Variants in KIDINS220 observed in about 807,000 individuals in gnomAD.
KIDINS220 encodes the protein kinase D-interacting substrate of 220 kDa.
KIDINS220 carries 63 observed loss-of-function variants against 157.6 expected under a neutral mutation model. The observed-to-expected ratio is 0.40, with a 90% CI of 0.33 to 0.49. The LOEUF is 0.49. KIDINS220 is among the 20% of genes least tolerant of loss of function. KIDINS220 has a pLI of 0.66. For synonymous variants in KIDINS220, 732 were observed against 783.6 expected (o/e 0.93, Z 1.10); for missense variants, 1,772 against 2,171.2 (o/e 0.82, Z 3.65).
At chr2:8,759,714 G>A (rs1668509696) in intron 22 of KIDINS220, among the ~76,000 whole-genome samples, 1 of 151,768 alleles carries the variant, frequency 6.6e-6, no homozygotes, top group South Asian at 2.1e-4. Flanking sequence ...TCTGAGGAAG[G>A]TACATTTAGG....
chr2:8,831,478 C>T (rs1572848366), intron 1 of KIDINS220, among the ~76,000 whole-genome samples: 1 of 152,174 alleles, frequency 6.6e-6, no homozygotes, highest in Non-Finnish European at 1.5e-5. Context: ...TATGCCTGAA[C>T]AGCTCCTACC....
Position 8,747,987 on chromosome 2 carries a change from G to A in KIDINS220, c.3428C>T (p.Pro1143Leu). 1 of 1,566,228 alleles carries A rather than the reference G, an allele frequency of 6.4e-7. No homozygotes were observed. The highest frequency in any genetic ancestry group is 8.6e-7 in the Non-Finnish European group (1 of 1,159,098). ...GTAATACCTTGGCGTGTAAAGGTAT[G>A]GGGCAAAGAATGGCTATGGAAAAAC... ...HPFYNRPFFA[P>L]YLYTPRYYPG... is the part of the protein sequence containing the mutation. The change falls in exon 25 of 30, where the codon CCA becomes CTA. Residue 1143 changes from proline to leucine, a missense_variant. This residue lies in a region of KIDINS220 where 793 missense variants were observed against 885.5 expected (regional missense o/e 0.90). Transcript: ENST00000256707.
intron 1 of KIDINS220, among the ~76,000 whole-genome samples, chr2:8,833,805 G>A (rs1234935897): frequency 6.6e-6 from 1 of 152,160 alleles, no homozygotes; most frequent in Non-Finnish European, 1.5e-5. Flanking sequence ...AGCAATGTCA[G>A]AACAAAAAAT....
At chr2:8,834,162 C>T (rs1680048873) in intron 1 of KIDINS220, among the ~76,000 whole-genome samples, 2 of 152,146 alleles carry the variant, frequency 1.3e-5, no homozygotes, top group Non-Finnish European at 2.9e-5. Flanking sequence ...GCCTGGGTGG[C>T]AGCGCTTGCC....
chr2:8,816,097 A>C (rs2148390941), intron 4 of KIDINS220, among the ~76,000 whole-genome samples: 1 of 152,340 alleles, frequency 6.6e-6, no homozygotes, highest in Non-Finnish European at 1.5e-5. Context: ...CAGTGTTTTA[A>C]AGCCAAAATA....
rs745935214 is a variant in KIDINS220 at position 8,778,989 on chromosome 2, G to A, written c.2521C>T (p.Pro841Ser). ...HDYMRNIVHL[P>S]VFLNSRGLSN... ...AGTCCACGACTATTAAGGAACACAG[G>A]CAAGTGGACTATGTTGCGCATGTAG... The change falls in exon 19 of 30, where the codon CCT (proline) becomes TCT (serine). Residue 841 changes from proline to serine, a missense_variant. Transcript: ENST00000256707. The A allele has an allele frequency of 6.2e-7, 1 of 1,614,084 alleles. No individual in the cohort carries two copies.
chr2:8,768,597 T>G (rs1669773899), intron 22 of KIDINS220, among the ~76,000 whole-genome samples: 1 of 152,244 alleles, frequency 6.6e-6, no homozygotes, highest in African/African-American at 2.4e-5. Flanking sequence ...TAAATTTTAC[T>G]ACTAGCGTTA....
At chr2:8,772,452 G>A (rs1230189404) in intron 21 of KIDINS220, among the ~76,000 whole-genome samples, 2 of 151,744 alleles carry the variant, frequency 1.3e-5, no homozygotes, top group Non-Finnish European at 2.9e-5. Flanking sequence ...CTCCAGCCTG[G>A]AGGACAGAGC....
intron 6 of KIDINS220, among the ~76,000 whole-genome samples, chr2:8,808,631 C>T (rs961456986): frequency 1.3e-5 from 2 of 152,240 alleles, no homozygotes; most frequent in Non-Finnish European, 2.9e-5. Flanking sequence ...ATAAGTCTCT[C>T]ATCTCTCAAA....
chr2:8,751,585 T>C lies in KIDINS220; in HGVS notation c.3071A>G (p.Asp1024Gly), dbSNP rs1226612827. ...DVEPLLEIDGDIRNFEVFLSS... is the reference protein window; with the variant it reads ...DVEPLLEIDGGIRNFEVFLSS... ...CAAAAACACTTCAAAATTTCTTATA[T>C]CTCCATCAATTTCAAGAAGTGGCTC... is the stretch of plus-strand genomic sequence containing the variant. The change falls in exon 23 of 30, where the codon GAT (aspartate) becomes GGT (glycine). Residue 1024 changes from aspartate to glycine, a missense_variant. By Grantham distance (94) the Asp-to-Gly change is moderately conservative. Coordinates refer to ENST00000256707, the MANE Select transcript of KIDINS220 (RefSeq NM_020738.4). 6.2e-7 allele frequency: 1 copy of C among 1,611,594 alleles called. No individual in the cohort carries two copies. Among genetic ancestry groups the C allele is most frequent in the Non-Finnish European group, 8.5e-7 (1 of 1,178,344 alleles).
At chr2:8,732,249 A>C (rs1301653921) in intron 29 of KIDINS220, among the ~76,000 whole-genome samples, 2 of 152,224 alleles carry the variant, frequency 1.3e-5, no homozygotes, top group East Asian at 3.9e-4. Context: ...AAATAATCTT[A>C]GCACTTGTTT....
intron 2 of KIDINS220, chr2:8,825,663 T>C (rs181472498): frequency 5.9e-5 from 9 of 152,318 alleles, no homozygotes; most frequent in Admixed American, 5.9e-4. Context: ...AATATTATAC[T>C]CTTGAAAACA....
chr2:8,740,637 A>C (rs1014198348), intron 26 of KIDINS220, among the ~76,000 whole-genome samples: 8 of 152,218 alleles, frequency 5.3e-5, no homozygotes, highest in Non-Finnish European at 1.0e-4. Flanking sequence ...TCAGAAATAC[A>C]CTTTCAAATT....
In KIDINS220 at chr2:8,806,355, AG is replaced by A; in HGVS notation, c.518del (p.Pro173LeufsTer2). On this transcript the variant is annotated frameshift_variant, in exon 7 of 30. Coordinates refer to ENST00000256707, the MANE Select transcript of KIDINS220 (RefSeq NM_020738.4). LOFTEE classifies it high-confidence loss of function. ...GACCCTTTCGTGCAGCCCAAACTAA[AG>A]GGGTGGTTCCATACTATTAAAACAA... is the stretch of plus-strand genomic sequence containing the variant. ...VNCSDKYGTT[P>X]LVWAARKGHL... 1 of 1,607,320 alleles carries A rather than the reference AG, an allele frequency of 6.2e-7. No homozygotes were observed. The highest frequency in any genetic ancestry group is 8.5e-7 in the Non-Finnish European group (1 of 1,176,220).
At chr2:8,775,224 C>T (rs1670805415) in intron 21 of KIDINS220, among the ~76,000 whole-genome samples, 3 of 152,128 alleles carry the variant, frequency 2.0e-5, no homozygotes, top group Admixed American at 6.5e-5. Context: ...TATATATTGA[C>T]ACCATTAGAT....
intron 22 of KIDINS220, among the ~76,000 whole-genome samples, chr2:8,752,218 G>A (rs1214872543): frequency 2.0e-5 from 3 of 151,828 alleles, no homozygotes; most frequent in Admixed American, 1.3e-4. Flanking sequence ...ACGAGATTTC[G>A]CCATGTTGCC....
intron 4 of KIDINS220, among the ~76,000 whole-genome samples, chr2:8,815,041 C>T (rs375457906): frequency 6.6e-6 from 1 of 152,190 alleles, no homozygotes; most frequent in Non-Finnish European, 1.5e-5. Flanking sequence ...TCAAGTCTTA[C>T]ATCTGTATTT....
At chr2:8,743,860 G>A (rs1665972643) in intron 26 of KIDINS220, among the ~76,000 whole-genome samples, 1 of 152,066 alleles carries the variant, frequency 6.6e-6, no homozygotes, top group Admixed American at 6.5e-5. Flanking sequence ...CTATGCTTTG[G>A]AACTTTGAAA....
At chr2:8,734,217 G>A (rs1006617169) in intron 28 of KIDINS220, among the ~76,000 whole-genome samples, 2 of 152,132 alleles carry the variant, frequency 1.3e-5, no homozygotes, top group South Asian at 4.2e-4. Flanking sequence ...ATCACCTGGG[G>A]GTGGGGGGGT....
Sources: allele counts gnomAD v4.1 joint callset (sites outside exome capture counted in the v4.1 genomes callset), GRCh38; gene constraint gnomAD v4.1.1; regional missense constraint gnomAD v4.1.1; transcripts MANE v1.5; gene names NCBI Gene and HGNC (gene_info 2026-07-23, HGNC 2026-07-21).